WDFY2: variants seen among roughly 807,000 people sequenced by gnomAD.
The protein encoded by WDFY2 is WD repeat and FYVE domain containing 2, also known as WD repeat and FYVE domain-containing protein 2.
In WDFY2, 36 loss-of-function variants were observed where a neutral mutation model predicts 56.4. The observed-to-expected ratio is 0.64, with a 90% CI of 0.49 to 0.84. The LOEUF is 0.84. Among genes scored for constraint, WDFY2 ranks in the 40% least tolerant of loss-of-function variants. WDFY2 has a pLI of 0.00. For missense variants in WDFY2, 444 were observed against 512.2 expected, an observed-to-expected ratio of 0.87 and a Z score of 1.29; for synonymous variants, 176 against 183.7, an observed-to-expected ratio of 0.96 and a Z score of 0.34.
chr13:51,673,791 A>G (rs1165534007), intron 2 of WDFY2, among the ~76,000 whole-genome samples: 1 of 152,146 alleles, frequency 6.6e-6, no homozygotes, highest in Admixed American at 6.5e-5. Context: ...TGTTTTCAGG[A>G]GTGTACTCTT....
At chr13:51,704,873 A>G (rs1480397165) in intron 4 of WDFY2, among the ~76,000 whole-genome samples, 3 of 152,192 alleles carry the variant, frequency 2.0e-5, no homozygotes, top group African/African-American at 7.2e-5. Context: ...CCATTTGAAA[A>G]TATGATACCC....
chr13:51,751,482 T>C (rs1953235772), intron 8 of WDFY2, 67 bp downstream of exon 8: 6 of 1,374,126 alleles, frequency 4.4e-6, no homozygotes, highest in Non-Finnish European at 5.2e-6. Context: ...TGCTTATTTC[T>C]TATTTCTTTT....
chr13:51,674,258 G>C (rs1355026331), intron 2 of WDFY2, among the ~76,000 whole-genome samples: 1 of 152,120 alleles, frequency 6.6e-6, no homozygotes, highest in African/African-American at 2.4e-5. Context: ...GAATATGAAG[G>C]GAGACATATA....
At chr13:51,657,783 A>G (rs1018377410) in intron 1 of WDFY2, among the ~76,000 whole-genome samples, 1 of 152,158 alleles carries the variant, frequency 6.6e-6, no homozygotes, top group African/African-American at 2.4e-5. Flanking sequence ...TTTCAATTCC[A>G]GAATTTCTCT....
At chr13:51,619,029 G>A (rs937996694) in intron 1 of WDFY2, among the ~76,000 whole-genome samples, 1 of 152,232 alleles carries the variant, frequency 6.6e-6, no homozygotes, top group African/African-American at 2.4e-5. Context: ...CTCTAATGGT[G>A]AGCTGCAGAG....
intron 5 of WDFY2, among the ~76,000 whole-genome samples, chr13:51,720,121 AG>A (rs1952454429): frequency 6.6e-6 from 1 of 152,220 alleles, no homozygotes; most frequent in African/African-American, 2.4e-5. Flanking sequence ...AGGTAGAAAC[AG>A]GTCACTTGTC....
At chr13:51,725,695 ATT>A (rs757477233) in intron 5 of WDFY2, among the ~76,000 whole-genome samples, 22 of 142,124 alleles carry the variant, frequency 1.5e-4, no homozygotes, top group Non-Finnish European at 1.7e-4. Context: ...TATATACACA[ATT>A]TTTTTTTTTT....
intron 1 of WDFY2, among the ~76,000 whole-genome samples, chr13:51,635,943 G>C (rs1199522910): frequency 6.6e-6 from 1 of 152,140 alleles, no homozygotes; most frequent in Non-Finnish European, 1.5e-5. Flanking sequence ...TATCTGGGCA[G>C]TACCAAAGTG....
chr13:51,647,328 A>G (rs1173028578), intron 1 of WDFY2, among the ~76,000 whole-genome samples: 1 of 152,246 alleles, frequency 6.6e-6, no homozygotes, highest in African/African-American at 2.4e-5. Flanking sequence ...TGTATGATAT[A>G]TATAGCCTGT....
At chr13:51,736,200 T>C (rs1209217972) in intron 6 of WDFY2, among the ~76,000 whole-genome samples, 3 of 152,172 alleles carry the variant, frequency 2.0e-5, no homozygotes, top group African/African-American at 7.2e-5. Context: ...CTAGGCACTG[T>C]TGTGTGTGTT....
chr13:51,745,738 TAAAAAAAAAAAAA>T (rs34880965), intron 7 of WDFY2, among the ~76,000 whole-genome samples: 3 of 86,330 alleles, frequency 3.5e-5, no homozygotes, highest in Non-Finnish European at 6.4e-5. Context: ...ATCCTTCATT[TAAAAAAAAAAAAA>T]AAAAAAAAAA....
intron 6 of WDFY2, among the ~76,000 whole-genome samples, chr13:51,731,032 G>C (rs2138664642): frequency 6.6e-6 from 1 of 152,364 alleles, no homozygotes; most frequent in African/African-American, 2.4e-5. Flanking sequence ...TGGCAGTAGA[G>C]AGTGGAATTG....
At chr13:51,673,384 G>A (rs950970398) in intron 2 of WDFY2, among the ~76,000 whole-genome samples, 1 of 152,148 alleles carries the variant, frequency 6.6e-6, no homozygotes, top group Non-Finnish European at 1.5e-5. Context: ...CTAGCCCCTT[G>A]AGGCTGCAAT....
chr13:51,604,754 A>G (rs1255513776), intron 1 of WDFY2, among the ~76,000 whole-genome samples: 1 of 152,236 alleles, frequency 6.6e-6, no homozygotes, highest in Non-Finnish European at 1.5e-5. Flanking sequence ...CATCACAGGA[A>G]GTTCCATTGG....
At chr13:51,748,301 T>C (rs1953150915) in intron 7 of WDFY2, among the ~76,000 whole-genome samples, 1 of 152,244 alleles carries the variant, frequency 6.6e-6, no homozygotes, top group African/African-American at 2.4e-5. Context: ...GCCAACGCGT[T>C]AGTGATAAAG....
chr13:51,671,714 C>G (rs903361959), intron 2 of WDFY2, among the ~76,000 whole-genome samples: 1 of 149,024 alleles, frequency 6.7e-6, no homozygotes, highest in African/African-American at 2.5e-5. Flanking sequence ...GTTTCTTTTG[C>G]TAGGCAGAAG....
intron 3 of WDFY2, among the ~76,000 whole-genome samples, chr13:51,694,981 T>G (rs1393040581): frequency 6.6e-6 from 1 of 152,244 alleles, no homozygotes; most frequent in Non-Finnish European, 1.5e-5. Flanking sequence ...CATCGGCTCC[T>G]GAGGCTTCTG....
chr13:51,670,354 G>A (rs1266151664), intron 2 of WDFY2, among the ~76,000 whole-genome samples: 1 of 152,116 alleles, frequency 6.6e-6, no homozygotes, highest in Non-Finnish European at 1.5e-5. Context: ...ACAAATCGAG[G>A]CATCAATATT....
chr13:51,620,171 A>G (rs1954698400), intron 1 of WDFY2, among the ~76,000 whole-genome samples: 1 of 120,328 alleles, frequency 8.3e-6, no homozygotes, highest in African/African-American at 3.2e-5. Flanking sequence ...AAAACGTAAA[A>G]TGCTATGCTT....
Sources: allele counts gnomAD v4.1 joint callset (sites outside exome capture counted in the v4.1 genomes callset), GRCh38; gene constraint gnomAD v4.1.1; transcripts MANE v1.5; gene names NCBI Gene and HGNC (gene_info 2026-07-23, HGNC 2026-07-21).